ST6GALNAC5: variants seen among roughly 807,000 people sequenced by gnomAD.
The protein encoded by ST6GALNAC5 is alpha-N-acetylgalactosaminide alpha-2,6-sialyltransferase 5.
Under a neutral mutation model 33.6 loss-of-function variants are expected in ST6GALNAC5, and 27 were observed. The observed-to-expected ratio is 0.80, with a 90% CI of 0.59 to 1.11. The LOEUF is 1.11. Ranked by LOEUF, ST6GALNAC5 falls within the 50% of genes least tolerant of loss-of-function variation. ST6GALNAC5 has a pLI of 0.00. For missense variants in ST6GALNAC5, 428 were observed against 454.0 expected (o/e 0.94, Z 0.52); for synonymous variants, 194 against 171.2 (o/e 1.13, Z -1.04).
chr1:77,018,760 A>T (rs1453799057), intron 2 of ST6GALNAC5, among the ~76,000 whole-genome samples: 2 of 152,238 alleles, frequency 1.3e-5, no homozygotes, highest in Non-Finnish European at 2.9e-5. Context: ...TGAGCTCTAC[A>T]TAAGGGATGT....
chr1:76,993,840 A>C (rs1649825524), intron 2 of ST6GALNAC5, among the ~76,000 whole-genome samples: 1 of 152,048 alleles, frequency 6.6e-6, no homozygotes, highest in African/African-American at 2.4e-5. Flanking sequence ...TCTGTTTTCA[A>C]TTGTGAATTT....
chr1:76,869,238 C>G (rs891740647), intron 2 of ST6GALNAC5, among the ~76,000 whole-genome samples: 2 of 152,164 alleles, frequency 1.3e-5, no homozygotes, highest in African/African-American at 4.8e-5. Flanking sequence ...GCTGAATTCT[C>G]TCAGCCCTGG....
At chr1:76,948,457 A>AAG (rs1647609510) in intron 2 of ST6GALNAC5, among the ~76,000 whole-genome samples, 2 of 152,028 alleles carry the variant, frequency 1.3e-5, no homozygotes, top group Non-Finnish European at 2.9e-5. Context: ...GTGAAAGAGG[A>AAG]AGAGAGAGAG....
At chr1:77,002,613 C>G (rs1650219724) in intron 2 of ST6GALNAC5, among the ~76,000 whole-genome samples, 1 of 150,754 alleles carries the variant, frequency 6.6e-6, no homozygotes, top group African/African-American at 2.4e-5. Context: ...TTCCTGCTTT[C>G]TCTTGTGGGC....
chr1:77,027,674 G>A (rs1480355680), intron 2 of ST6GALNAC5, among the ~76,000 whole-genome samples: 1 of 152,192 alleles, frequency 6.6e-6, no homozygotes, highest in East Asian at 1.9e-4. Context: ...GGCATGGGAA[G>A]CCAGGTGGGA....
intron 2 of ST6GALNAC5, among the ~76,000 whole-genome samples, chr1:76,983,015 T>A (rs949929258): frequency 2.6e-5 from 4 of 151,962 alleles, no homozygotes; most frequent in African/African-American, 9.7e-5. Flanking sequence ...AAGGAGGCAC[T>A]AAACATGGAA....
At chr1:77,010,410 G>A (rs1319048820) in intron 2 of ST6GALNAC5, among the ~76,000 whole-genome samples, 1 of 152,170 alleles carries the variant, frequency 6.6e-6, no homozygotes, top group African/African-American at 2.4e-5. Flanking sequence ...CAGGAGAATT[G>A]CTTGAGCCTG....
intron 4 of ST6GALNAC5, among the ~76,000 whole-genome samples, chr1:77,055,453 AT>A (rs879748591): frequency 2.0e-5 from 3 of 152,158 alleles, no homozygotes; most frequent in African/African-American, 4.8e-5. Flanking sequence ...ACATGAACAC[AT>A]GCATTATTTT....
intron 2 of ST6GALNAC5, among the ~76,000 whole-genome samples, chr1:77,007,016 G>A (rs952472768): frequency 6.6e-6 from 1 of 152,188 alleles, no homozygotes; most frequent in African/African-American, 2.4e-5. Context: ...CAGCAAGAGA[G>A]CAAGCTCCAG....
chr1:76,884,163 T>C (rs1653843588), intron 2 of ST6GALNAC5, among the ~76,000 whole-genome samples: 1 of 152,168 alleles, frequency 6.6e-6, no homozygotes, highest in African/African-American at 2.4e-5. Context: ...GGTTTCTGCC[T>C]GCCTTAAGTT....
chr1:76,994,323 T>G (rs986920274), intron 2 of ST6GALNAC5, among the ~76,000 whole-genome samples: 2 of 152,190 alleles, frequency 1.3e-5, no homozygotes, highest in African/African-American at 4.8e-5. Flanking sequence ...GACAGCTCCA[T>G]AAAAGAATTA....
chr1:76,883,998 G>A (rs973667386), intron 2 of ST6GALNAC5, among the ~76,000 whole-genome samples: 46 of 152,160 alleles, frequency 3.0e-4, no homozygotes, highest in Admixed American at 6.5e-5. Flanking sequence ...GTAAATTAGA[G>A]GAATAACTCC....
At chr1:76,946,127 C>G (rs534550116) in intron 2 of ST6GALNAC5, among the ~76,000 whole-genome samples, 2 of 152,078 alleles carry the variant, frequency 1.3e-5, no homozygotes, top group East Asian at 3.9e-4. Flanking sequence ...ACTTAGGTGG[C>G]CTAAACAAAA....
At chr1:76,969,548 C>T (rs1292902280) in intron 2 of ST6GALNAC5, among the ~76,000 whole-genome samples, 2 of 152,212 alleles carry the variant, frequency 1.3e-5, no homozygotes, top group Non-Finnish European at 2.9e-5. Context: ...GCGGAGCCTA[C>T]CACAGCTCAG....
At chr1:76,997,645 T>G (rs567311315) in intron 2 of ST6GALNAC5, among the ~76,000 whole-genome samples, 1 of 152,306 alleles carries the variant, frequency 6.6e-6, no homozygotes, top group East Asian at 1.9e-4. Context: ...GAAATAAAAC[T>G]TAATGTCTAT....
At chr1:76,969,344 G>T (rs1648640448) in intron 2 of ST6GALNAC5, among the ~76,000 whole-genome samples, 1 of 152,184 alleles carries the variant, frequency 6.6e-6, no homozygotes, top group Admixed American at 6.5e-5. Flanking sequence ...CTTTTCCAAT[G>T]GTCTTAGCAA....
intron 2 of ST6GALNAC5, among the ~76,000 whole-genome samples, chr1:77,015,561 T>C (rs1485259548): frequency 6.6e-6 from 1 of 152,076 alleles, no homozygotes; most frequent in Non-Finnish European, 1.5e-5. Flanking sequence ...TTAATTAAAA[T>C]GAAGAGCTAG....
rs564867293 is a variant in ST6GALNAC5 at position 76,877,401 on chromosome 1, C to T, written c.261+8659C>T. ...ACCCCACTCAAAACTGGCAGCCTTT[C>T]GGGTCACTTGATAAATGGGCCAGAG... On this transcript the variant is annotated intron_variant, in intron 2 of 4. Coordinates refer to ENST00000477717, the MANE Select transcript of ST6GALNAC5 (RefSeq NM_030965.3). Among the ~76,000 whole-genome samples, 13 of 152,114 alleles carry T rather than the reference C, an allele frequency of 8.5e-5. No individual in the cohort carries two copies. In the South Asian group the frequency reaches 1.2e-3, roughly 15 times the overall value.
intron 2 of ST6GALNAC5, among the ~76,000 whole-genome samples, chr1:76,907,073 G>A (rs1156541028): frequency 6.6e-6 from 1 of 151,964 alleles, no homozygotes; most frequent in East Asian, 1.9e-4. Flanking sequence ...ATCTACAGGG[G>A]ACCACTATCA....
Sources: allele counts gnomAD v4.1 joint callset (sites outside exome capture counted in the v4.1 genomes callset), GRCh38; gene constraint gnomAD v4.1.1; transcripts MANE v1.5; gene names NCBI Gene and HGNC (gene_info 2026-07-23, HGNC 2026-07-21).